SFMBT2: variants seen among roughly 807,000 people sequenced by gnomAD.
The protein encoded by SFMBT2 is Scm like with four mbt domains 2.
A neutral mutation model predicts 110.1 loss-of-function variants in SFMBT2; 38 were observed. That is an observed-to-expected ratio of 0.35 (90% confidence interval 0.27 to 0.45). The LOEUF (loss-of-function observed/expected upper bound fraction) is 0.45, where lower values mean the gene tolerates loss of function less well. SFMBT2 is among the 20% of genes least tolerant of loss of function. The pLI, the probability that SFMBT2 is intolerant of heterozygous loss-of-function variation, is 1.00. For synonymous variants in SFMBT2, 425 were observed against 425.4 expected (o/e 1.00, Z 0.01); for missense variants, 1,011 against 1,094.9 (o/e 0.92, Z 1.08).
chr10:7,300,286 C>CTTT (rs80207401), intron 4 of SFMBT2, among the ~76,000 whole-genome samples: 1 of 143,746 alleles, frequency 7.0e-6, no homozygotes, highest in African/African-American at 2.5e-5. Flanking sequence ...ATGTATCCAG[C>CTTT]TTTTTTTTTT....
intron 4 of SFMBT2, among the ~76,000 whole-genome samples, chr10:7,304,616 G>A (rs1842642960): frequency 6.6e-6 from 1 of 152,214 alleles, no homozygotes; most frequent in Non-Finnish European, 1.5e-5. Context: ...AGGAATGGCT[G>A]TCCAGGCCCT....
intron 4 of SFMBT2, among the ~76,000 whole-genome samples, chr10:7,300,665 G>A (rs1267503842): frequency 1.3e-5 from 2 of 152,202 alleles, no homozygotes; most frequent in Admixed American, 6.5e-5. Flanking sequence ...CTGTGAGGAT[G>A]GAAAAGCATT....
intron 1 of SFMBT2, among the ~76,000 whole-genome samples, chr10:7,391,267 A>G (rs1161079879): frequency 6.6e-6 from 1 of 151,986 alleles, no homozygotes; most frequent in Non-Finnish European, 1.5e-5. Flanking sequence ...GGAGTTTGAG[A>G]CCAGCCTGAC....
rs1423414040 is a variant in SFMBT2 at position 7,163,879 on chromosome 10, G to C, written c.2576C>G (p.Thr859Ser). Residue 859 changes from threonine to serine, a missense_variant, in exon 21 of 21, where the codon ACC becomes AGC. Coordinates refer to ENST00000397167, the MANE Select transcript of SFMBT2 (RefSeq NM_001387889.1). The surrounding 1 kb of genome is among the most constrained non-coding windows in gnomAD (Gnocchi z 4.8). ...DIDGQALLLL[T>S]LPTVQECMEL... is the part of the protein sequence containing the mutation. ...CATGCACTCCTGCACCGTCGGAAGG[G>C]TCAGAAGCAGGAGTGCTTGGCCGTC... 2 of 1,613,906 alleles carry C rather than the reference G, an allele frequency of 1.2e-6. No individual in the cohort carries two copies. Among genetic ancestry groups the C allele is most frequent in the South Asian group, 2.2e-5 (2 of 91,020 alleles).
chr10:7,192,625 A>C (rs56383241), intron 15 of SFMBT2, among the ~76,000 whole-genome samples: 3,825 of 152,326 alleles, frequency 0.025, 79 homozygotes, highest in Middle Eastern at 0.065. Context: ...ACACGGAGGG[A>C]AATCGCTTAA....
Position 7,370,547 on chromosome 10 carries a change from G to C in SFMBT2, c.101-172C>G, listed in dbSNP as rs117284861. Reference sequence around the variant, plus strand: ...TCAGTCTGCTGATTTTAGAAGTGTTGACTAAAGAAAGGAAAACATGGGACA... The same window carrying C: ...TCAGTCTGCTGATTTTAGAAGTGTTCACTAAAGAAAGGAAAACATGGGACA... On this transcript the variant is annotated intron_variant, in intron 2 of 20. Coordinates refer to ENST00000397167, the MANE Select transcript of SFMBT2 (RefSeq NM_001387889.1). Among the ~76,000 whole-genome samples the C allele has an allele frequency of 3.6e-3, 551 of 152,316 alleles. 2 individuals carry two copies. Among genetic ancestry groups the C allele is most frequent in the Middle Eastern group, 6.8e-3 (2 of 294 alleles).
chr10:7,198,504 C>T (rs903969445), intron 14 of SFMBT2, among the ~76,000 whole-genome samples: 1 of 152,204 alleles, frequency 6.6e-6, no homozygotes, highest in Non-Finnish European at 1.5e-5. Flanking sequence ...CAGTGACTAC[C>T]CCAATTGACA....
intron 9 of SFMBT2, among the ~76,000 whole-genome samples, chr10:7,233,237 T>C (rs1322393733): frequency 6.6e-6 from 1 of 152,182 alleles, no homozygotes; most frequent in African/African-American, 2.4e-5. Context: ...TTTTTATGTG[T>C]TTGTGGTGGG....
At chr10:7,324,360 G>C (rs912734755) in intron 4 of SFMBT2, among the ~76,000 whole-genome samples, 2 of 152,168 alleles carry the variant, frequency 1.3e-5, no homozygotes, top group African/African-American at 4.8e-5. Flanking sequence ...ACAATGCAAC[G>C]TTGAAAAATA....
rs960663044 is a variant in SFMBT2, at chr10:7,241,623, A to G, written c.1120+1935T>C. On this transcript the variant is annotated intron_variant, in intron 9 of 20. Coordinates refer to ENST00000397167, the MANE Select transcript of SFMBT2 (RefSeq NM_001387889.1). Reference sequence around the variant, plus strand: ...TTAAAATATAAAAATATTTAATTTTATATCTTTGTACAGTCCTTTCATTGA... The same window carrying G: ...TTAAAATATAAAAATATTTAATTTTGTATCTTTGTACAGTCCTTTCATTGA... 4.6e-5 allele frequency among the ~76,000 whole-genome samples: 7 copies of G among 152,290 alleles called. No homozygotes were observed. In the East Asian group the frequency reaches 9.6e-4, roughly 21 times the overall value.
intron 4 of SFMBT2, among the ~76,000 whole-genome samples, chr10:7,335,030 G>A (rs1268934846): frequency 6.6e-6 from 1 of 152,162 alleles, no homozygotes; most frequent in Non-Finnish European, 1.5e-5. Context: ...AGCCGGAGGG[G>A]GGAAAAGGAA....
chr10:7,301,258 T>C lies in SFMBT2; in HGVS notation c.437-15304A>G, dbSNP rs770337331. ...GGCAGTTATTAGCGTCTTTATGTCATGTGCAAATCAGCGTGAGACACTAGT... is the reference window on the plus strand; with the variant it reads ...GGCAGTTATTAGCGTCTTTATGTCACGTGCAAATCAGCGTGAGACACTAGT... On this transcript the variant is annotated intron_variant, in intron 4 of 20. Coordinates refer to ENST00000397167, the MANE Select transcript of SFMBT2 (RefSeq NM_001387889.1). The surrounding 1 kb of genome is among the most constrained non-coding windows in gnomAD (Gnocchi z 4.2). Among the ~76,000 whole-genome samples the C allele has an allele frequency of 6.6e-6, 1 of 152,230 alleles. No individual in the cohort carries two copies. The highest frequency in any genetic ancestry group is 1.5e-5 in the Non-Finnish European group (1 of 68,042).
At chr10:7,234,505 T>C (rs1171961143) in intron 9 of SFMBT2, among the ~76,000 whole-genome samples, 1 of 152,196 alleles carries the variant, frequency 6.6e-6, no homozygotes, top group Non-Finnish European at 1.5e-5. Context: ...ATGAAGTGAA[T>C]TTAAGGATAA....
rs754786768 is a variant in SFMBT2 at position 7,205,793 on chromosome 10, C to A, written c.1444+22G>T. 12 of 1,609,720 alleles carry A rather than the reference C, an allele frequency of 7.5e-6. No homozygotes were observed. In the South Asian group the frequency reaches 8.8e-5, roughly 12 times the overall value. ...AAAGATCACTGGTGTCATCCACCCC[C>A]CCTCAACTGGGAACCACTTACAGAC... is the stretch of plus-strand genomic sequence containing the variant. On this transcript the variant is annotated intron_variant, in intron 12 of 20. Coordinates refer to ENST00000397167, the MANE Select transcript of SFMBT2 (RefSeq NM_001387889.1).
chr10:7,280,266 C>T (rs1841912061), intron 6 of SFMBT2, among the ~76,000 whole-genome samples: 1 of 152,162 alleles, frequency 6.6e-6, no homozygotes, highest in Non-Finnish European at 1.5e-5. Flanking sequence ...TTTGTTATGG[C>T]AGCTTGAACA....
chr10:7,399,002 C>T (rs867646638), intron 1 of SFMBT2, among the ~76,000 whole-genome samples: 4 of 152,290 alleles, frequency 2.6e-5, no homozygotes, highest in Middle Eastern at 3.4e-3. Context: ...GCCAAACAAA[C>T]GCACAGCAAT....
intron 7 of SFMBT2, among the ~76,000 whole-genome samples, chr10:7,257,074 A>T (rs1298526472): frequency 5.0e-5 from 6 of 118,840 alleles, no homozygotes; most frequent in African/African-American, 1.6e-4. Flanking sequence ...CCTGGGTGAC[A>T]GAGCGAGACT....
intron 7 of SFMBT2, among the ~76,000 whole-genome samples, chr10:7,267,115 C>G (rs909913326): frequency 6.6e-6 from 1 of 152,110 alleles, no homozygotes; most frequent in Non-Finnish European, 1.5e-5. Flanking sequence ...TGACCAGTCC[C>G]CAGTAAAAAC....
At chr10:7,177,683 A>G (rs2131545997) in intron 16 of SFMBT2, among the ~76,000 whole-genome samples, 1 of 152,040 alleles carries the variant, frequency 6.6e-6, no homozygotes, top group East Asian at 1.9e-4. Flanking sequence ...TGAGCAGCAT[A>G]GCGAGACCCC....
Sources: gnomAD v4.1 joint callset for allele counts (sites outside exome capture counted in the v4.1 genomes callset) on GRCh38, gnomAD v4.1.1 for gene constraint, Gnocchi (gnomAD v3.1) non-coding constraint, MANE v1.5 for transcripts, NCBI Gene and HGNC (gene_info 2026-07-23, HGNC 2026-07-21) for gene names.